Variants in S1PR4 observed in about 807,000 individuals in gnomAD.
The protein encoded by S1PR4 is sphingosine 1-phosphate receptor 4.
S1PR4 carries 1 observed loss-of-function variant against 0.4 expected under a neutral mutation model. That is an observed-to-expected ratio of 2.48 (90% CI 0.88 to 11.76). S1PR4 has a LOEUF of 11.76. Among genes scored for constraint, S1PR4 ranks in the 30% most tolerant of loss-of-function variants. The pLI is 0.12. For missense variants in S1PR4, 595 were observed against 557.8 expected (o/e 1.07, Z -0.67); for synonymous variants, 296 against 266.7 (o/e 1.11, Z -1.07).
Position 3,179,144 on chromosome 19 carries a change from T to G in S1PR4, c.352T>G (p.Trp118Gly). 6 of 1,611,920 alleles carry G rather than the reference T, an allele frequency of 3.7e-6. No homozygotes were observed. The highest frequency in any genetic ancestry group is 5.1e-6 in the Non-Finnish European group (6 of 1,179,642). ...ARTFRLAPAQWFLREGLLFTA... is the reference protein window; with the variant it reads ...ARTFRLAPAQGFLREGLLFTA... ...CACCTTCCGTCTGGCGCCCGCCCAG[T>G]GGTTCCTACGGGAGGGCCTGCTCTT... The change falls in exon 1 of 1, where the codon TGG becomes GGG. Residue 118 changes from tryptophan to glycine, a missense_variant. Coordinates refer to ENST00000246115, the MANE Select transcript of S1PR4 (RefSeq NM_003775.4).
At position 3,179,171 on chromosome 19, in the gene S1PR4, A is replaced by G; in HGVS notation, c.379A>G (p.Thr127Ala). The change falls in exon 1 of 1, where the codon ACC becomes GCC. Residue 127 changes from threonine (T) to alanine (A), a missense_variant. Transcript: ENST00000246115. The part of the protein sequence containing the change: ...QWFLREGLLF[T>A]ALAASTFSLL... ...GTTCCTACGGGAGGGCCTGCTCTTC[A>G]CCGCCCTGGCCGCCTCCACCTTCAG... 1 of 1,610,674 alleles carries G rather than the reference A, an allele frequency of 6.2e-7. No individual in the cohort carries two copies. The highest frequency in any genetic ancestry group is 1.1e-5 in the South Asian group (1 of 90,906).
Position 3,179,219 on chromosome 19 carries a change from C to T in S1PR4, c.427C>T (p.Arg143Cys), listed in dbSNP as rs776302365. ...CAGCCTGCTCTTCACTGCAGGGGAG[C>T]GCTTTGCCACCATGGTGCGGCCGGT... ...TFSLLFTAGE[R>C]FATMVRPVAE... The change falls in exon 1 of 1, where the codon CGC becomes TGC. Residue 143 changes from arginine (R) to cysteine (C), a missense_variant. Transcript: ENST00000246115. 2.5e-6 allele frequency: 4 copies of T among 1,601,522 alleles called. No individual in the cohort carries two copies. Among genetic ancestry groups the T allele is most frequent in the East Asian group, 2.2e-5 (1 of 44,712 alleles).
rs201606293 is a variant in S1PR4 at position 3,179,548 on chromosome 19, G to T, written c.756G>T (p.Thr252=). 1.2e-6 allele frequency: 2 copies of T among 1,612,634 alleles called. No individual in the cohort carries two copies. Among genetic ancestry groups the T allele is most frequent in the Non-Finnish European group, 8.5e-7 (1 of 1,179,692 alleles). Residue 252 remains threonine, a synonymous_variant, in exon 1 of 1, where the codon ACG becomes ACT. Transcript: ENST00000246115. ...GCAAGGCCCGCCGCCTGCTGAAGACGGTGCTGATGATCCTGCTGGCCTTCC... is the reference window on the plus strand; with the variant it reads ...GCAAGGCCCGCCGCCTGCTGAAGACTGTGCTGATGATCCTGCTGGCCTTCC... ...ARRKARRLLK[T]VLMILLAFLV...
rs1337399806 is a variant in S1PR4 at position 3,179,307 on chromosome 19, T to C, written c.515T>C (p.Leu172Pro). ...VYGFIGLCWL[L>P]AALLGMLPLL... Reference sequence around the variant, plus strand: ...GGCTTCATCGGCCTCTGCTGGCTGCTGGCCGCGCTGCTGGGGATGCTGCCT... The same window carrying C: ...GGCTTCATCGGCCTCTGCTGGCTGCCGGCCGCGCTGCTGGGGATGCTGCCT... Residue 172 changes from leucine (L) to proline (P), a missense_variant, in exon 1 of 1, where the codon CTG (leucine) becomes CCG (proline). By Grantham distance (98) the Leu-to-Pro change is moderately conservative. Coordinates refer to ENST00000246115, the MANE Select transcript of S1PR4 (RefSeq NM_003775.4). 21 of 1,610,830 alleles carry C rather than the reference T, an allele frequency of 1.3e-5. No homozygotes were observed. Among genetic ancestry groups the C allele is most frequent in the Non-Finnish European group, 1.8e-5 (21 of 1,178,862 alleles).
In S1PR4 at chr19:3,180,083, C is replaced by A; in HGVS notation, c.*136C>A. The A allele has an allele frequency of 1.2e-6, 1 of 836,968 alleles. No homozygotes were observed. Among genetic ancestry groups the A allele is most frequent in the Non-Finnish European group, 1.7e-6 (1 of 575,722 alleles). The allele number at this position is 836,968 out of a possible 1,614,324, so 51.8% of individuals were successfully genotyped here. ...ACGGGACAGGCCCCCATGGTCTTCC[C>A]GGTGGCCTCTCGGGGCTTCTGACGC... is the stretch of plus-strand genomic sequence containing the variant. On this transcript the variant is annotated 3_prime_UTR_variant, in exon 1 of 1. Transcript: ENST00000246115.
Position 3,179,726 on chromosome 19 carries a change from A to G in S1PR4, c.934A>G (p.Arg312Gly), listed in dbSNP as rs1418988732. 2 of 1,612,970 alleles carry G rather than the reference A, an allele frequency of 1.2e-6. No homozygotes were observed. The highest frequency in any genetic ancestry group is 1.7e-5 in the Admixed American group (1 of 60,016). ...CCCCATCATCTACTCCTTCCGCAGC[A>G]GGGAGGTGTGCAGAGCCGTGCTCAG... ...VNPIIYSFRS[R>G]EVCRAVLSFL... The change falls in exon 1 of 1, where the codon AGG becomes GGG. Residue 312 changes from arginine to glycine, a missense_variant. Arg to Gly is a moderately radical substitution (Grantham distance 125). Transcript: ENST00000246115.
Position 3,178,933 on chromosome 19 carries a change from G to A in S1PR4, c.141G>A (p.Gly47=). 4 of 1,531,718 alleles carry A rather than the reference G, an allele frequency of 2.6e-6. No individual in the cohort carries two copies. Among genetic ancestry groups the A allele is most frequent in the Non-Finnish European group, 3.5e-6 (4 of 1,145,006 alleles). 94.9% of individuals were successfully genotyped at this position (1,531,718 alleles called of 1,614,324 possible). ...GGGGGCCGGAGGATGGCGGCCTGGG[G>A]GCCCTGCGGGGGCTGTCGGTGGCCG... ...GRGGPEDGGL[G]ALRGLSVAAS... Residue 47 remains glycine (G), a synonymous_variant, in exon 1 of 1, where the codon GGG becomes GGA. Coordinates refer to ENST00000246115, the MANE Select transcript of S1PR4 (RefSeq NM_003775.4).
rs1022466236 is a variant in S1PR4, at chr19:3,178,798, C to T, written c.6C>T (p.Asn2=). The part of the protein sequence containing the change: M[N]ATGTPVAPES... ...GTCAGCCCCCGGGGGAGGCCATGAACGCCACGGGGACCCCGGTGGCCCCCG... is the reference window on the plus strand; with the variant it reads ...GTCAGCCCCCGGGGGAGGCCATGAATGCCACGGGGACCCCGGTGGCCCCCG... Residue 2 remains asparagine (N), a synonymous_variant, in exon 1 of 1, where the codon AAC becomes AAT. Transcript: ENST00000246115. 3.5e-5 allele frequency: 52 copies of T among 1,492,880 alleles called. 1 individual carries two copies. The highest frequency in any genetic ancestry group is 7.6e-5 in the East Asian group (3 of 39,496). The allele number at this position is 1,492,880 out of a possible 1,614,324, so 92.5% of individuals were successfully genotyped here. A position where few individuals can be genotyped will look rare whatever the true frequency, so the allele number is the denominator to read the frequency against.
In S1PR4 at chr19:3,179,596, C is replaced by G; in HGVS notation, c.804C>G (p.Phe268Leu). The part of the protein sequence containing the change: ...LAFLVCWGPL[F>L]GLLLADVFGS... ...TCCTGGTGTGCTGGGGCCCACTCTT[C>G]GGGCTGCTGCTGGCCGACGTCTTTG... Residue 268 changes from phenylalanine (F) to leucine (L), a missense_variant, in exon 1 of 1, where the codon TTC becomes TTG. By Grantham distance (22) the Phe-to-Leu change is conservative. Transcript: ENST00000246115. 4 of 1,613,188 alleles carry G rather than the reference C, an allele frequency of 2.5e-6. No homozygotes were observed. The highest frequency in any genetic ancestry group is 3.4e-6 in the Non-Finnish European group (4 of 1,179,820).
In S1PR4 at chr19:3,179,637, C is replaced by A. The variant is rs1480177703; in HGVS notation, c.845C>A (p.Ala282Asp). 1 of 1,613,094 alleles carries A rather than the reference C, an allele frequency of 6.2e-7. No individual in the cohort carries two copies. The highest frequency in any genetic ancestry group is 8.5e-7 in the Non-Finnish European group (1 of 1,179,774). ...LADVFGSNLW[A>D]QEYLRGMDWI... ...GACGTCTTTGGCTCCAACCTCTGGGCCCAGGAGTACCTGCGGGGCATGGAC... is the reference window on the plus strand; with the variant it reads ...GACGTCTTTGGCTCCAACCTCTGGGACCAGGAGTACCTGCGGGGCATGGAC... Residue 282 changes from alanine (A) to aspartate (D), a missense_variant, in exon 1 of 1, where the codon GCC becomes GAC. Transcript: ENST00000246115.
In S1PR4 at chr19:3,179,739, G is replaced by C; in HGVS notation, c.947G>C (p.Arg316Thr). The change falls in exon 1 of 1, where the codon AGA (arginine) becomes ACA (threonine). Residue 316 changes from arginine (R) to threonine (T), a missense_variant. By Grantham distance (71) the Arg-to-Thr change is moderately conservative. Coordinates refer to ENST00000246115, the MANE Select transcript of S1PR4 (RefSeq NM_003775.4). The stretch of plus-strand genomic sequence containing the variant: ...TCCTTCCGCAGCAGGGAGGTGTGCA[G>C]AGCCGTGCTCAGCTTCCTCTGCTGC... ...IYSFRSREVC[R>T]AVLSFLCCGC... The C allele has an allele frequency of 6.2e-7, 1 of 1,612,946 alleles. No individual in the cohort carries two copies. Among genetic ancestry groups the C allele is most frequent in the Non-Finnish European group, 8.5e-7 (1 of 1,179,946 alleles).
Position 3,179,162 on chromosome 19 carries a change from C to G in S1PR4, c.370C>G (p.Leu124Val). ...APAQWFLREG[L>V]LFTALAASTF... is the part of the protein sequence containing the mutation. ...CGCCCAGTGGTTCCTACGGGAGGGC[C>G]TGCTCTTCACCGCCCTGGCCGCCTC... Residue 124 changes from leucine (L) to valine (V), a missense_variant, in exon 1 of 1, where the codon CTG (leucine) becomes GTG (valine). Transcript: ENST00000246115. 2 of 1,611,588 alleles carry G rather than the reference C, an allele frequency of 1.2e-6. No homozygotes were observed. Among genetic ancestry groups the G allele is most frequent in the South Asian group, 2.2e-5 (2 of 90,964 alleles).
Position 3,179,313 on chromosome 19 carries a change from C to A in S1PR4, c.521C>A (p.Ala174Glu), listed in dbSNP as rs200606862. Residue 174 changes from alanine to glutamate, a missense_variant, in exon 1 of 1, where the codon GCG becomes GAG. Transcript: ENST00000246115. ...GFIGLCWLLA[A>E]LLGMLPLLGW... ...ATCGGCCTCTGCTGGCTGCTGGCCG[C>A]GCTGCTGGGGATGCTGCCTTTGCTG... 1 of 1,611,072 alleles carries A rather than the reference C, an allele frequency of 6.2e-7. No homozygotes were observed. Among genetic ancestry groups the A allele is most frequent in the African/African-American group, 1.3e-5 (1 of 74,856 alleles).
In S1PR4 at chr19:3,179,798, G is replaced by A; in HGVS notation, c.1006G>A (p.Asp336Asn). 2 of 1,603,870 alleles carry A rather than the reference G, an allele frequency of 1.2e-6. No individual in the cohort carries two copies. Among genetic ancestry groups the A allele is most frequent in the Non-Finnish European group, 1.7e-6 (2 of 1,175,208 alleles). The change falls in exon 1 of 1, where the codon GAC (aspartate) becomes AAC (asparagine). Residue 336 changes from aspartate (D) to asparagine (N), a missense_variant. Transcript: ENST00000246115. ...CCGGCTGGGCATGCGAGGGCCCGGG[G>A]ACTGCCTGGCCCGGGCCGTCGAGGC... ...CLRLGMRGPG[D>N]CLARAVEAHS...
Position 3,179,889 on chromosome 19 carries a change from C to T in S1PR4, c.1097C>T (p.Ser366Leu), listed in dbSNP as rs768359440. 1.3e-5 allele frequency: 20 copies of T among 1,527,334 alleles called. 2 individuals carry two copies. In the South Asian group the frequency reaches 2.2e-4, roughly 17 times the overall value. The allele number at this position is 1,527,334 out of a possible 1,614,324, so 94.6% of individuals were successfully genotyped here. ...RPRDSFRGSRSLSFRMREPLS... is the reference protein window; with the variant it reads ...RPRDSFRGSRLLSFRMREPLS... ...AGGGACAGCTTTCGCGGCTCCCGCT[C>T]GCTCAGCTTTCGGATGCGGGAGCCC... The change falls in exon 1 of 1, where the codon TCG (serine) becomes TTG (leucine). Residue 366 changes from serine to leucine, a missense_variant. Ser to Leu is a moderately radical substitution (Grantham distance 145, BLOSUM62 -2). Transcript: ENST00000246115.
chr19:3,179,529 C>T lies in S1PR4; in HGVS notation c.737C>T (p.Ala246Val). ...KAPRPAARRK[A>V]RRLLKTVLMI... is the part of the protein sequence containing the mutation. ...CCACGCCCAGCGGCCCGCCGCAAGGCCCGCCGCCTGCTGAAGACGGTGCTG... is the reference window on the plus strand; with the variant it reads ...CCACGCCCAGCGGCCCGCCGCAAGGTCCGCCGCCTGCTGAAGACGGTGCTG... The change falls in exon 1 of 1, where the codon GCC becomes GTC. Residue 246 changes from alanine to valine, a missense_variant. Physicochemically the swap from Ala to Val is moderately conservative, Grantham distance 64. Transcript: ENST00000246115. The T allele has an allele frequency of 1.2e-6, 2 of 1,611,842 alleles. No homozygotes were observed. The highest frequency in any genetic ancestry group is 1.7e-6 in the Non-Finnish European group (2 of 1,179,276).
At position 3,179,525 on chromosome 19, in the gene S1PR4, A is replaced by G. The variant is rs1568305673; in HGVS notation, c.733A>G (p.Lys245Glu). Residue 245 changes from lysine to glutamate, a missense_variant, in exon 1 of 1, where the codon AAG becomes GAG. By Grantham distance (56) the Lys-to-Glu change is moderately conservative. Coordinates refer to ENST00000246115, the MANE Select transcript of S1PR4 (RefSeq NM_003775.4). ...QKAPRPAARR[K>E]ARRLLKTVLM... ...GGCCCCACGCCCAGCGGCCCGCCGC[A>G]AGGCCCGCCGCCTGCTGAAGACGGT... The G allele has an allele frequency of 6.2e-7, 1 of 1,611,512 alleles. No individual in the cohort carries two copies. The highest frequency in any genetic ancestry group is 1.3e-5 in the African/African-American group (1 of 74,872).
At position 3,180,163 on chromosome 19, in the gene S1PR4, G is replaced by A. The variant is rs899025760; in HGVS notation, c.*216G>A. The A allele has an allele frequency of 5.3e-5, 25 of 467,354 alleles. No homozygotes were observed. The highest frequency in any genetic ancestry group is 4.3e-4 in the African/African-American group (21 of 49,264). The allele number at this position is 467,354 out of a possible 1,614,324, so 29.0% of individuals were successfully genotyped here. On this transcript the variant is annotated 3_prime_UTR_variant, in exon 1 of 1. Transcript: ENST00000246115. Reference sequence around the variant, plus strand: ...AAGGAGGCAACCACCCCACCTCCCCGTAGGAGCAGAGAGCACCCTGGTGTG... The same window carrying A: ...AAGGAGGCAACCACCCCACCTCCCCATAGGAGCAGAGAGCACCCTGGTGTG...
chr19:3,179,514 CGGCCCGCCGCAA>C lies in S1PR4; in HGVS notation c.733_744del (p.Lys245_Arg248del), dbSNP rs1325247907. Reference sequence around the variant, plus strand: ...AGCGGGCAGAAGGCCCCACGCCCAGCGGCCCGCCGCAAGGCCCGCCGCCTGCTGAAGACGGTG... The same window carrying C: ...AGCGGGCAGAAGGCCCCACGCCCAGCGGCCCGCCGCCTGCTGAAGACGGTG... On this transcript the variant is annotated inframe_deletion, in exon 1 of 1. Transcript: ENST00000246115. 12 of 1,609,632 alleles carry C rather than the reference CGGCCCGCCGCAA, an allele frequency of 7.5e-6. No individual in the cohort carries two copies. The highest frequency in any genetic ancestry group is 1.3e-5 in the African/African-American group (1 of 74,884).
Sources: gnomAD v4.1 joint callset for allele counts on GRCh38, gnomAD v4.1.1 for gene constraint, MANE v1.5 for transcripts, NCBI Gene and HGNC (gene_info 2026-07-23, HGNC 2026-07-21) for gene names.